The following SLC39A8 variants were observed in gnomAD, a reference collection of about 807,000 sequenced individuals.
SLC39A8 encodes the protein solute carrier family 39 member 8, also known as metal cation symporter ZIP8.
SLC39A8 carries 15 observed loss-of-function variants against 40.4 expected under a neutral mutation model. The observed-to-expected ratio is 0.37, with a 90% CI of 0.25 to 0.57. The LOEUF (loss-of-function observed/expected upper bound fraction) is 0.57, where lower values mean the gene tolerates loss of function less well. SLC39A8 is among the 20% of genes least tolerant of loss of function. The probability of loss-of-function intolerance (pLI) is 0.75; values close to 1 mark genes in which losing one functional copy is unlikely to be tolerated. For missense variants in SLC39A8, 472 were observed against 558.8 expected, an observed-to-expected ratio of 0.84 and a Z score of 1.57; for synonymous variants, 223 against 221.6, an observed-to-expected ratio of 1.01 and a Z score of -0.06.
At chr4:102,252,900 A>G (rs541407500) in exon 12 of SLC39A8, 11 of 151,166 alleles carry the variant, frequency 7.3e-5, no homozygotes, top group African/African-American at 2.7e-4. Flanking sequence ...TTCATTCCAT[A>G]CCTCTCTCCC....
chr4:102,298,821 G>T (rs1191374406), intron 6 of SLC39A8, among the ~76,000 whole-genome samples: 1 of 152,148 alleles, frequency 6.6e-6, no homozygotes, highest in Non-Finnish European at 1.5e-5. Context: ...GCAAAGTGAT[G>T]CAGGACCCAG....
chr4:102,271,129 GAGA>G (rs1732346036), intron 6 of SLC39A8, among the ~76,000 whole-genome samples: 1 of 151,950 alleles, frequency 6.6e-6, no homozygotes. Flanking sequence ...GGAGCATGTG[GAGA>G]AGGAGGAAAA....
At chr4:102,271,769 A>G (rs1342309811) in intron 6 of SLC39A8, among the ~76,000 whole-genome samples, 1 of 152,222 alleles carries the variant, frequency 6.6e-6, no homozygotes, top group Non-Finnish European at 1.5e-5. Context: ...TATATAGCCA[A>G]GGTTTCCTGT....
intron 2 of SLC39A8, among the ~76,000 whole-genome samples, chr4:102,327,154 C>A (rs1477069153): frequency 6.6e-6 from 1 of 151,998 alleles, no homozygotes; most frequent in Non-Finnish European, 1.5e-5. Flanking sequence ...CCCAGTTACT[C>A]AGAAGGATGA....
chr4:102,307,950 C>T (rs1226364915), intron 3 of SLC39A8, among the ~76,000 whole-genome samples: 2 of 140,260 alleles, frequency 1.4e-5, no homozygotes, highest in Non-Finnish European at 3.0e-5. Context: ...ATCTATGGCT[C>T]AAGGAATAGA....
At chr4:102,297,636 G>T (rs548469120) in intron 6 of SLC39A8, among the ~76,000 whole-genome samples, 1 of 152,144 alleles carries the variant, frequency 6.6e-6, no homozygotes, top group Admixed American at 6.5e-5. Flanking sequence ...ATGAAAACAG[G>T]CCAGATGTGG....
intron 6 of SLC39A8, 62 bp downstream of exon 6, chr4:102,304,255 A>T (rs1734037869): frequency 7.8e-7 from 1 of 1,285,554 alleles, no homozygotes; most frequent in Admixed American, 2.1e-5. Flanking sequence ...CTGCATAAAC[A>T]GTCATGTTTA....
At chr4:102,258,922 A>C (rs977975331), downstream of SLC39A8, among the ~76,000 whole-genome samples, 2 of 152,158 alleles carry the variant, frequency 1.3e-5, no homozygotes, top group Admixed American at 6.5e-5. Flanking sequence ...TCCAAACCAG[A>C]ACTTACACAC....
intron 2 of SLC39A8, among the ~76,000 whole-genome samples, chr4:102,317,782 T>C (rs1341770583): frequency 1.3e-5 from 2 of 152,170 alleles, no homozygotes; most frequent in Non-Finnish European, 2.9e-5. Flanking sequence ...AACGGGAAGA[T>C]GCCTATAGAT....
intron 2 of SLC39A8, among the ~76,000 whole-genome samples, chr4:102,321,800 G>T (rs1476912772): frequency 1.3e-5 from 2 of 152,196 alleles, no homozygotes; most frequent in Admixed American, 1.3e-4. Flanking sequence ...CCAGAGACAA[G>T]GATGTGGCTT....
At chr4:102,329,574 G>C (rs972076319) in intron 2 of SLC39A8, among the ~76,000 whole-genome samples, 1 of 146,514 alleles carries the variant, frequency 6.8e-6, no homozygotes, top group Non-Finnish European at 1.5e-5. Flanking sequence ...AGTGAGCTGA[G>C]ATAGTGCCAC....
intron 3 of SLC39A8, among the ~76,000 whole-genome samples, chr4:102,309,492 C>T (rs143241211): frequency 6.6e-6 from 1 of 152,212 alleles, no homozygotes; most frequent in African/African-American, 2.4e-5. Flanking sequence ...AGACATTCCA[C>T]TTGGAGAGAG....
At chr4:102,334,350 C>T (rs940662780) in intron 2 of SLC39A8, among the ~76,000 whole-genome samples, 1 of 152,134 alleles carries the variant, frequency 6.6e-6, no homozygotes, top group African/African-American at 2.4e-5. Context: ...ATGACTTATT[C>T]GTATCTCAGT....
chr4:102,297,289 A>G (rs7699390), intron 6 of SLC39A8, among the ~76,000 whole-genome samples: 46,721 of 151,918 alleles, frequency 0.31, 7,634 homozygotes, highest in East Asian at 0.41. Flanking sequence ...CTGCACTTCA[A>G]TCCTAATGTG....
chr4:102,303,653 T>C (rs1734010412), intron 6 of SLC39A8, among the ~76,000 whole-genome samples: 1 of 151,832 alleles, frequency 6.6e-6, no homozygotes, highest in East Asian at 1.9e-4. Flanking sequence ...GCTGTTCTAT[T>C]AGTCATCTAG....
rs142201353 is a variant in SLC39A8 at position 102,273,506 on chromosome 4, G to A, written c.841-5427C>T. Among the ~76,000 whole-genome samples the A allele has an allele frequency of 3.3e-5, 5 of 152,340 alleles. No homozygotes were observed. The East Asian group carries it at 9.6e-4, about 29-fold the overall frequency. ...GTCAGTGCACCCACGGGAAGGGGTA[G>A]CTGTGGGCGCAGCTTCCGCCGACTT... On this transcript the variant is annotated intron_variant, in intron 6 of 8. Transcript: ENST00000356736.
chr4:102,276,858 C>T (rs1488127639), intron 6 of SLC39A8, among the ~76,000 whole-genome samples: 3 of 152,052 alleles, frequency 2.0e-5, no homozygotes, highest in Admixed American at 6.6e-5. Context: ...AAACACAATC[C>T]GTCACATAAA....
intron 6 of SLC39A8, 125 bp from the exon 7 acceptor site, chr4:102,268,204 T>G (rs1732193276): frequency 1.1e-6 from 1 of 888,292 alleles, no homozygotes; most frequent in Non-Finnish European, 1.7e-6. Context: ...TTAGAGTAAC[T>G]AGGAAACCCT....
chr4:102,320,180 T>TATATGTATATATATAC (rs1734852233), intron 2 of SLC39A8, among the ~76,000 whole-genome samples: 1 of 98,662 alleles, frequency 1.0e-5, no homozygotes, highest in African/African-American at 3.2e-5. Context: ...TATATATATA[T>TATATGTATATATATAC]ATATATATAT....
Sources: gnomAD v4.1 joint callset for allele counts (sites outside exome capture counted in the v4.1 genomes callset) on GRCh38, gnomAD v4.1.1 for gene constraint, MANE v1.5 for transcripts, NCBI Gene and HGNC (gene_info 2026-07-23, HGNC 2026-07-21) for gene names.